The following ZNF841 variants were observed in gnomAD, a reference collection of about 807,000 sequenced individuals.
ZNF841 encodes zinc finger protein 841.
Under a neutral mutation model 13.0 loss-of-function variants are expected in ZNF841, and 11 were observed. That is an observed-to-expected ratio of 0.85 (90% confidence interval 0.53 to 1.40). The LOEUF (loss-of-function observed/expected upper bound fraction) is 1.40, where lower values mean the gene tolerates loss of function less well. Ranked by LOEUF, ZNF841 falls within the 40% of genes most tolerant of loss-of-function variation. ZNF841 has a pLI of 0.00. For missense variants in ZNF841, 1,068 were observed against 1,139.5 expected, an observed-to-expected ratio of 0.94 and a Z score of 0.90; for synonymous variants, 369 against 381.6, an observed-to-expected ratio of 0.97 and a Z score of 0.38.
intron 6 of ZNF841, among the ~76,000 whole-genome samples, chr19:52,071,702 G>A (rs974495128): frequency 6.6e-6 from 1 of 151,750 alleles, no homozygotes; most frequent in African/African-American, 2.4e-5. Context: ...CACAGAGAAT[G>A]TATAGAAGAC....
intron 6 of ZNF841, among the ~76,000 whole-genome samples, chr19:52,073,637 C>T (rs551664493): frequency 6.6e-6 from 1 of 152,174 alleles, no homozygotes; most frequent in African/African-American, 2.4e-5. Flanking sequence ...AGAATTTATT[C>T]TTCATTGCTT....
intron 2 of ZNF841, among the ~76,000 whole-genome samples, chr19:52,090,677 AAG>A (rs1568549685): frequency 6.9e-6 from 1 of 144,808 alleles, no homozygotes; most frequent in African/African-American, 2.5e-5. Flanking sequence ...GAAAGAAAGA[AAG>A]AAAGAAAGAA....
intron 6 of ZNF841, among the ~76,000 whole-genome samples, chr19:52,070,652 T>C (rs1407977548): frequency 6.6e-6 from 1 of 152,212 alleles, no homozygotes; most frequent in Non-Finnish European, 1.5e-5. Context: ...TCCAGTGGAA[T>C]GCTGAGTTGG....
intron 4 of ZNF841, among the ~76,000 whole-genome samples, chr19:52,077,623 G>C (rs960277847): frequency 2.0e-5 from 3 of 152,196 alleles, no homozygotes; most frequent in African/African-American, 7.2e-5. Flanking sequence ...CTGTGTCACA[G>C]ACAGGCTAAG....
In ZNF841 at chr19:52,065,805, T is replaced by G. The variant is rs975289804; in HGVS notation, c.2077A>C (p.Ser693Arg). 13 of 1,612,462 alleles carry G rather than the reference T, an allele frequency of 8.1e-6. No homozygotes were observed. Among genetic ancestry groups the G allele is most frequent in the Non-Finnish European group, 1.1e-5 (13 of 1,179,060 alleles). Residue 693 changes from serine (S) to arginine (R), a missense_variant, in exon 7 of 7, where the codon AGT (serine) becomes CGT (arginine). By Grantham distance (110) the Ser-to-Arg change is moderately radical (BLOSUM62 -1). Coordinates refer to ENST00000594440, the MANE Select transcript of ZNF841 (RefSeq NM_001136499.2). ...CNEFGEAFIQ[S>R]SKLARYHRNP... The stretch of plus-strand genomic sequence containing the variant: ...CTGTGATATCTTGCAAGTTTTGAAC[T>G]TTGGATAAAAGCCTCACCAAATTCA...
At chr19:52,077,916 G>C (rs7359920) in intron 4 of ZNF841, among the ~76,000 whole-genome samples, 139 of 152,234 alleles carry the variant, frequency 9.1e-4, no homozygotes, top group African/African-American at 3.3e-3. Context: ...TGCTGCATAG[G>C]GGACGAATGC....
At chr19:52,084,758 A>C in intron 4 of ZNF841, 29 bp downstream of exon 4, 2 of 1,611,982 alleles carry the variant, frequency 1.2e-6, no homozygotes, top group Non-Finnish European at 1.7e-6. Context: ...GGGAGGAGAC[A>C]GAACAATCCA....
intron 3 of ZNF841, among the ~76,000 whole-genome samples, chr19:52,086,546 A>G (rs1054502154): frequency 2.6e-5 from 4 of 152,208 alleles, no homozygotes; most frequent in Admixed American, 1.3e-4. Flanking sequence ...TAAATTACCC[A>G]GTCTCCAGTA....
chr19:52,084,398 G>T (rs139832406), intron 4 of ZNF841, among the ~76,000 whole-genome samples: 171 of 152,216 alleles, frequency 1.1e-3, no homozygotes, highest in African/African-American at 3.9e-3. Context: ...AATTTATGAG[G>T]TATTTTTGCA....
chr19:52,083,713 T>C (rs1351587625), intron 4 of ZNF841, among the ~76,000 whole-genome samples: 1 of 152,036 alleles, frequency 6.6e-6, no homozygotes, highest in Non-Finnish European at 1.5e-5. Context: ...CTTGTTTGCT[T>C]ACAAATTTTA....
chr19:52,070,855 G>C (rs2087719128), intron 6 of ZNF841, among the ~76,000 whole-genome samples: 1 of 152,154 alleles, frequency 6.6e-6, no homozygotes, highest in East Asian at 1.9e-4. Flanking sequence ...TGGGAGGTGA[G>C]GGAGTTCTGC....
intron 3 of ZNF841, among the ~76,000 whole-genome samples, chr19:52,087,822 C>T (rs545713229): frequency 6.6e-6 from 1 of 151,894 alleles, no homozygotes; most frequent in Non-Finnish European, 1.5e-5. Flanking sequence ...CCCGTCTCTA[C>T]TAAAAATACA....
chr19:52,090,679 GAA>G (rs764500259), intron 2 of ZNF841, among the ~76,000 whole-genome samples: 2 of 141,388 alleles, frequency 1.4e-5, no homozygotes, highest in South Asian at 2.3e-4. Context: ...AAGAAAGAAA[GAA>G]AGAAAGAAAG....
At chr19:52,086,301 A>G (rs9304720) in intron 3 of ZNF841, among the ~76,000 whole-genome samples, 4,596 of 152,034 alleles carry the variant, frequency 0.03, 184 homozygotes, top group African/African-American at 0.096. Flanking sequence ...GAATGGTTTC[A>G]CACCACCCCT....
chr19:52,072,746 G>A (rs1452394754), intron 6 of ZNF841, among the ~76,000 whole-genome samples: 1 of 152,142 alleles, frequency 6.6e-6, no homozygotes, highest in East Asian at 1.9e-4. Context: ...TTGAACCCAG[G>A]AAGTGGAGGT....
intron 4 of ZNF841, among the ~76,000 whole-genome samples, chr19:52,078,881 G>A (rs926047643): frequency 6.6e-6 from 1 of 152,062 alleles, no homozygotes; most frequent in Non-Finnish European, 1.5e-5. Flanking sequence ...ATGAAATGAT[G>A]ATGTTGTAAA....
chr19:52,066,250 A>G lies in ZNF841; in HGVS notation c.1632T>C (p.Asn544=). 6.2e-7 allele frequency: 1 copy of G among 1,614,022 alleles called. No individual in the cohort carries two copies. The highest frequency in any genetic ancestry group is 8.5e-7 in the Non-Finnish European group (1 of 1,179,956). Residue 544 remains asparagine (N), a synonymous_variant, in exon 7 of 7, where the codon AAT becomes AAC. Coordinates refer to ENST00000594440, the MANE Select transcript of ZNF841 (RefSeq NM_001136499.2). ...CGTAATTAAAGACCTTGCCACACAC[A>G]TTACATTTGTAAGGTTTCTCTCCGG... ...IHTGEKPYKC[N]VCGKVFNYGG...
downstream of ZNF841, among the ~76,000 whole-genome samples, chr19:52,061,501 G>T (rs2087396052): frequency 6.6e-6 from 1 of 151,848 alleles, no homozygotes; most frequent in Admixed American, 6.6e-5. Context: ...ACCACCAAAG[G>T]AAAGTTCTAA....
chr19:52,069,378 T>C (rs1366640508), intron 6 of ZNF841, among the ~76,000 whole-genome samples: 1 of 152,158 alleles, frequency 6.6e-6, no homozygotes, highest in Admixed American at 6.5e-5. Context: ...CCCAGTCCTA[T>C]TCACTGTCTT....
Sources: allele counts gnomAD v4.1 joint callset (sites outside exome capture counted in the v4.1 genomes callset), GRCh38; gene constraint gnomAD v4.1.1; transcripts MANE v1.5; gene names NCBI Gene and HGNC (gene_info 2026-07-23, HGNC 2026-07-21).